PPP6R2: variants seen among roughly 807,000 people sequenced by gnomAD.
PPP6R2 encodes protein phosphatase 6 regulatory subunit 2, also known as serine/threonine-protein phosphatase 6 regulatory subunit 2.
A neutral mutation model predicts 100.2 loss-of-function variants in PPP6R2; 62 were observed. The ratio of observed to expected loss-of-function variants is 0.62; its 90% CI spans 0.50 to 0.76. The LOEUF (loss-of-function observed/expected upper bound fraction) is 0.76, where lower values mean the gene tolerates loss of function less well. Among genes scored for constraint, PPP6R2 ranks in the 30% least tolerant of loss-of-function variants. The probability of loss-of-function intolerance (pLI) is 0.00; values close to 1 mark genes in which losing one functional copy is unlikely to be tolerated. For synonymous variants in PPP6R2, 525 were observed against 514.7 expected (o/e 1.02, Z -0.27); for missense variants, 1,142 against 1,276.3 (o/e 0.89, Z 1.60).
chr22:50,391,977 G>T (rs2055679202), intron 2 of PPP6R2: 1 of 150,590 alleles, frequency 6.6e-6, no homozygotes, highest in Non-Finnish European at 1.5e-5. Flanking sequence ...CCTTGACAAG[G>T]TTGGATTCAC....
intron 21 of PPP6R2, 141 bp from the exon 22 acceptor site, chr22:50,440,681 T>C: frequency 1.1e-6 from 1 of 947,184 alleles, no homozygotes; most frequent in Non-Finnish European, 1.6e-6. Context: ...TGCCTCATCA[T>C]GCGGCTCCCA....
Position 50,356,268 on chromosome 22 carries a change from C to T in PPP6R2, c.-148+12718C>T, listed in dbSNP as rs552941530. ...TGCGAGCCACCACGCCCGGCCTTCC[C>T]TCTTCTTTTTAACACAGAATGTACA... On this transcript the variant is annotated intron_variant, in intron 1 of 23. Coordinates refer to ENST00000612753, the MANE Select transcript of PPP6R2 (RefSeq NM_001242898.2). 2.0e-5 allele frequency among the ~76,000 whole-genome samples: 3 copies of T among 151,690 alleles called. No homozygotes were observed. In the East Asian group the frequency reaches 5.8e-4, roughly 29 times the overall value.
chr22:50,440,638 G>T (rs62241890), intron 21 of PPP6R2, among the ~76,000 whole-genome samples, 184 bp from the exon 22 acceptor site: 1,616 of 152,354 alleles, frequency 0.011, 24 homozygotes, highest in Non-Finnish European at 0.015. Context: ...GGTTGTTTGT[G>T]TGGAGACCCC....
chr22:50,421,644 C>T (rs1306853908), intron 8 of PPP6R2, among the ~76,000 whole-genome samples: 1 of 152,162 alleles, frequency 6.6e-6, no homozygotes, highest in African/African-American at 2.4e-5. Flanking sequence ...GGCGCAGTGG[C>T]TCACGCTTGT....
rs372466021 is a variant in PPP6R2 at position 50,431,316 on chromosome 22, C to T, written c.1269C>T (p.Asn423=). The change falls in exon 11 of 24, where the codon AAC becomes AAT. Residue 423 remains asparagine (N), a synonymous_variant. Coordinates refer to ENST00000612753, the MANE Select transcript of PPP6R2 (RefSeq NM_001242898.2). This position sits in a 1 kb window ranked among gnomAD's most constrained non-coding sequence, Gnocchi z 4.8. The part of the protein sequence containing the change: ...SESRVEPPHE[N]GNRSLETPQP... ...GCAGGGTGGAGCCTCCGCATGAGAACGGGAACCGGAGCCTGGAGACTCCCC... is the reference window on the plus strand; with the variant it reads ...GCAGGGTGGAGCCTCCGCATGAGAATGGGAACCGGAGCCTGGAGACTCCCC... The T allele has an allele frequency of 2.6e-5, 42 of 1,613,122 alleles. No homozygotes were observed. The highest frequency in any genetic ancestry group is 1.6e-4 in the Middle Eastern group (1 of 6,076).
intron 2 of PPP6R2, among the ~76,000 whole-genome samples, chr22:50,382,918 A>T (rs1048657206): frequency 6.6e-6 from 1 of 151,548 alleles, no homozygotes; most frequent in Non-Finnish European, 1.5e-5. Context: ...GCTCACTGCA[A>T]CCTCTGCCTC....
At chr22:50,407,653 C>T (rs1017708842) in intron 4 of PPP6R2, 6 of 152,346 alleles carry the variant, frequency 3.9e-5, no homozygotes, top group African/African-American at 1.4e-4. Flanking sequence ...ACGGGGTCTT[C>T]CTGGAGTCCA....
intron 1 of PPP6R2, among the ~76,000 whole-genome samples, chr22:50,371,278 G>A (rs577526067): frequency 6.6e-6 from 1 of 152,226 alleles, no homozygotes; most frequent in East Asian, 1.9e-4. Context: ...ATCACTTGAG[G>A]GCTGTAATGT....
chr22:50,436,292 T>A (rs1352952456), intron 13 of PPP6R2, 75 bp from the exon 14 acceptor site: 4 of 1,363,680 alleles, frequency 2.9e-6, no homozygotes, highest in Non-Finnish European at 4.1e-6. Context: ...AGGATGCACC[T>A]GCCGGAGCCC....
rs1467129663 is a variant in PPP6R2, at chr22:50,444,659, G to A, written c.*412G>A. 2 of 215,822 alleles carry A rather than the reference G, an allele frequency of 9.3e-6. No individual in the cohort carries two copies. Among genetic ancestry groups the A allele is most frequent in the Non-Finnish European group, 1.8e-5 (2 of 109,786 alleles). The allele number at this position is 215,822 out of a possible 1,614,324, so 13.4% of individuals were successfully genotyped here. ...TGTTTTGTTTTTAAAGAATACAGAA[G>A]GAGCCAAGCTTTTTTGCACTTTGTA... On this transcript the variant is annotated 3_prime_UTR_variant, in exon 24 of 24. Coordinates refer to ENST00000612753, the MANE Select transcript of PPP6R2 (RefSeq NM_001242898.2).
At chr22:50,424,345 C>CGCTTGTGGAAGGTCCGTCA (rs1569472037) in intron 10 of PPP6R2, among the ~76,000 whole-genome samples, 1 of 111,012 alleles carries the variant, frequency 9.0e-6, no homozygotes, top group Non-Finnish European at 1.8e-5. Flanking sequence ...AAGGTCTGTC[C>CGCTTGTGGAAGGTCCGTCA]GCGTGTGGAA....
intron 4 of PPP6R2, among the ~76,000 whole-genome samples, chr22:50,412,260 C>T (rs971436328): frequency 1.4e-4 from 21 of 151,052 alleles, no homozygotes; most frequent in African/African-American, 5.1e-4. Context: ...GGTGTGATCT[C>T]GGCTCACTGC....
rs570488224 is a variant in PPP6R2, at chr22:50,438,706, G to A, written c.2072G>A (p.Gly691Asp). ...GCACACAGAGATGCACCTGGGGCAG[G>A]TGCCCCACCGGCCCCCGGGAAGAAG... ...LEAHRDAPGA[G>D]APPAPGKKEA... The change falls in exon 19 of 24, where the codon GGT becomes GAT. Residue 691 changes from glycine (G) to aspartate (D), a missense_variant. By Grantham distance (94) the Gly-to-Asp change is moderately conservative. Transcript: ENST00000612753. 1.1e-5 allele frequency: 17 copies of A among 1,613,566 alleles called. No individual in the cohort carries two copies. Among genetic ancestry groups the A allele is most frequent in the Middle Eastern group, 3.3e-4 (2 of 6,060 alleles).
rs2065178004 is a variant in PPP6R2 at position 50,439,757 on chromosome 22, G to A, written c.2185G>A (p.Gly729Arg). 1.2e-6 allele frequency: 2 copies of A among 1,613,546 alleles called. No individual in the cohort carries two copies. The highest frequency in any genetic ancestry group is 2.7e-5 in the African/African-American group (2 of 74,952). ...AGCGAACTCAACGCCCACAGCCCCAGGAGTGGTGAGGGACGTGGGTTCCAG... is the reference window on the plus strand; with the variant it reads ...AGCGAACTCAACGCCCACAGCCCCAAGAGTGGTGAGGGACGTGGGTTCCAG... ...EPANSTPTAP[G>R]VVRDVGSSVW... The change falls in exon 20 of 24, where the codon GGA becomes AGA. Residue 729 changes from glycine to arginine, a missense_variant. Gly to Arg is a moderately radical substitution (Grantham distance 125). Transcript: ENST00000612753.
chr22:50,423,774 C>T lies in PPP6R2; in HGVS notation c.1125+160C>T, dbSNP rs1391959274. 6.6e-6 allele frequency among the ~76,000 whole-genome samples: 1 copy of T among 152,120 alleles called. No individual in the cohort carries two copies. On this transcript the variant is annotated intron_variant, in intron 10 of 23. Coordinates refer to ENST00000612753, the MANE Select transcript of PPP6R2 (RefSeq NM_001242898.2). The surrounding 1 kb of genome is among the most constrained non-coding windows in gnomAD (Gnocchi z 4.8). ...CCAAGGCTGGACTACAGGTCTCTGG[C>T]GGGGCACAGAGCAGCAGTGGGGTGT...
intron 2 of PPP6R2, among the ~76,000 whole-genome samples, chr22:50,378,352 T>G (rs907252882): frequency 6.6e-6 from 1 of 152,184 alleles, no homozygotes; most frequent in Non-Finnish European, 1.5e-5. Flanking sequence ...TTTGGGAGGC[T>G]GAGGCAGGTG....
intron 4 of PPP6R2, among the ~76,000 whole-genome samples, chr22:50,414,231 C>A (rs1454002643): frequency 6.6e-6 from 1 of 150,984 alleles, no homozygotes; most frequent in Non-Finnish European, 1.5e-5. Context: ...AAACCCGAAC[C>A]AGTAGGTATT....
chr22:50,434,617 G>A (rs1379618491), intron 12 of PPP6R2, among the ~76,000 whole-genome samples: 5 of 99,516 alleles, frequency 5.0e-5, no homozygotes, highest in South Asian at 3.6e-4. Flanking sequence ...GGCAGGGGCC[G>A]GGCATTTGCT....
chr22:50,402,340 T>C (rs1159460944), intron 3 of PPP6R2, among the ~76,000 whole-genome samples: 1 of 151,574 alleles, frequency 6.6e-6, no homozygotes, highest in African/African-American at 2.4e-5. Flanking sequence ...TTTTTTTTTT[T>C]TTTTTTACCA....
Sources: allele counts gnomAD v4.1 joint callset (sites outside exome capture counted in the v4.1 genomes callset), GRCh38; gene constraint gnomAD v4.1.1; non-coding constraint Gnocchi (gnomAD v3.1); transcripts MANE v1.5; gene names NCBI Gene and HGNC (gene_info 2026-07-23, HGNC 2026-07-21).